Variants in THSD7B observed in about 807,000 individuals in gnomAD.
THSD7B encodes thrombospondin type 1 domain containing 7B, also known as thrombospondin type-1 domain-containing protein 7B.
In THSD7B, 138 loss-of-function variants were observed where a neutral mutation model predicts 213.6. The observed-to-expected ratio is 0.65, with a 90% CI of 0.56 to 0.74. The LOEUF (loss-of-function observed/expected upper bound fraction) is 0.74, where lower values mean the gene tolerates loss of function less well. Among genes scored for constraint, THSD7B ranks in the 30% least tolerant of loss-of-function variants. The probability of loss-of-function intolerance (pLI) is 0.00; values close to 1 mark genes in which losing one functional copy is unlikely to be tolerated. For synonymous variants in THSD7B, 742 were observed against 687.0 expected (o/e 1.08, Z -1.25); for missense variants, 1,931 against 1,991.5 (o/e 0.97, Z 0.58).
chr2:137,572,051 C>A (rs1422574125), intron 16 of THSD7B, among the ~76,000 whole-genome samples: 1 of 151,984 alleles, frequency 6.6e-6, no homozygotes, highest in African/African-American at 2.4e-5. Context: ...GGAGAGCCTT[C>A]AAGATTCATT....
chr2:137,074,905 A>T (rs113518840), intron 3 of THSD7B, among the ~76,000 whole-genome samples: 53 of 152,310 alleles, frequency 3.5e-4, no homozygotes, highest in African/African-American at 1.3e-3. Context: ...AGAATGTTAA[A>T]TATTGGCCCC....
At chr2:137,464,860 C>T (rs1396770902) in intron 15 of THSD7B, among the ~76,000 whole-genome samples, 1 of 151,706 alleles carries the variant, frequency 6.6e-6, no homozygotes, top group Non-Finnish European at 1.5e-5. Flanking sequence ...TTATGATAGC[C>T]CAGTGGTCGA....
chr2:137,209,486 A>G (rs1316887933), intron 7 of THSD7B, among the ~76,000 whole-genome samples: 1 of 152,078 alleles, frequency 6.6e-6, no homozygotes, highest in Non-Finnish European at 1.5e-5. Context: ...AGATCACACA[A>G]TTACATTGTT....
At chr2:137,403,371 GAA>G (rs1686420119) in intron 12 of THSD7B, among the ~76,000 whole-genome samples, 1 of 152,158 alleles carries the variant, frequency 6.6e-6, no homozygotes, top group African/African-American at 2.4e-5. Flanking sequence ...CAGAATATAA[GAA>G]GAATGGGCAT....
intron 14 of THSD7B, among the ~76,000 whole-genome samples, chr2:137,426,760 T>A (rs1348731740): frequency 6.6e-6 from 1 of 152,068 alleles, no homozygotes; most frequent in Admixed American, 6.6e-5. Context: ...ATTTTGGATA[T>A]GACGCCAAAA....
chr2:136,934,595 A>C (rs1173866509), intron 2 of THSD7B, among the ~76,000 whole-genome samples: 1 of 152,208 alleles, frequency 6.6e-6, no homozygotes, highest in Non-Finnish European at 1.5e-5. Context: ...TAGGAAGCTC[A>C]GTATCTTCTG....
chr2:137,282,686 G>C (rs563670289), intron 12 of THSD7B, among the ~76,000 whole-genome samples: 60 of 152,170 alleles, frequency 3.9e-4, no homozygotes, highest in Non-Finnish European at 7.2e-4. Context: ...GCTTGTTTTT[G>C]TCAGGTTTGT....
chr2:137,403,337 G>A (rs1360366257), intron 12 of THSD7B, among the ~76,000 whole-genome samples: 1 of 152,156 alleles, frequency 6.6e-6, no homozygotes, highest in Non-Finnish European at 1.5e-5. Context: ...ATTATCTGAT[G>A]TGCTCAGAAT....
chr2:137,095,045 G>T lies in THSD7B; in HGVS notation c.1123G>T (p.Gly375Cys), dbSNP rs1187665468. ...GAACGTGAAGCACATGGCTATTGGA[G>T]GTGGAAAGGAGTGTCCTGAACTTCT... ...SRNVKHMAIG[G>C]GKECPELLEK... is the part of the protein sequence containing the mutation. The change falls in exon 4 of 28, where the codon GGT (glycine) becomes TGT (cysteine). Residue 375 changes from glycine to cysteine, a missense_variant. By Grantham distance (159) the Gly-to-Cys change is radical (BLOSUM62 -3). Coordinates refer to ENST00000409968, the MANE Select transcript of THSD7B (RefSeq NM_001316349.2). 3.1e-6 allele frequency: 5 copies of T among 1,613,810 alleles called. No homozygotes were observed. The South Asian group carries it at 4.4e-5, about 14-fold the overall frequency.
chr2:137,480,801 A>C (rs536688984), intron 15 of THSD7B, among the ~76,000 whole-genome samples: 1 of 152,382 alleles, frequency 6.6e-6, no homozygotes, highest in Admixed American at 6.5e-5. Context: ...TTTAAAAAAG[A>C]CAACCTTGTA....
intron 17 of THSD7B, among the ~76,000 whole-genome samples, chr2:137,579,563 T>G (rs1352037199): frequency 9.9e-5 from 15 of 152,192 alleles, no homozygotes; most frequent in Non-Finnish European, 2.1e-4. Context: ...CTGTTGATTC[T>G]GTATCTCTGG....
intron 5 of THSD7B, among the ~76,000 whole-genome samples, chr2:137,143,871 A>T (rs552304032): frequency 6.6e-6 from 1 of 151,998 alleles, no homozygotes; most frequent in East Asian, 1.9e-4. Flanking sequence ...TCTTTTTTTA[A>T]CCAATCATCT....
chr2:136,841,124 C>T (rs1682913030), intron 1 of THSD7B, among the ~76,000 whole-genome samples: 1 of 152,090 alleles, frequency 6.6e-6, no homozygotes, highest in Admixed American at 6.5e-5. Flanking sequence ...TTTTACATAC[C>T]AGTAACTGGA....
At chr2:137,609,495 TG>T (rs1363450043) in intron 17 of THSD7B, among the ~76,000 whole-genome samples, 8 of 152,124 alleles carry the variant, frequency 5.3e-5, no homozygotes, top group Non-Finnish European at 1.5e-5. Flanking sequence ...ATCAAGGCCC[TG>T]GGGCAAGGAA....
At chr2:136,790,616 G>A (rs1173250995) in intron 1 of THSD7B, among the ~76,000 whole-genome samples, 1 of 152,054 alleles carries the variant, frequency 6.6e-6, no homozygotes, top group Non-Finnish European at 1.5e-5. Flanking sequence ...AAAGATGAAA[G>A]TTTTTGGAGA....
intron 6 of THSD7B, among the ~76,000 whole-genome samples, chr2:137,169,567 C>G (rs1680202400): frequency 6.6e-6 from 1 of 152,072 alleles, no homozygotes; most frequent in East Asian, 1.9e-4. Flanking sequence ...ATCAAACTCT[C>G]TCATTTTCTT....
At chr2:137,035,114 T>G (rs150863183) in intron 2 of THSD7B, among the ~76,000 whole-genome samples, 1,884 of 152,330 alleles carry the variant, frequency 0.012, 32 homozygotes, top group Middle Eastern at 0.065. Context: ...CTGATGCTAA[T>G]TGGTCTCAGA....
At chr2:136,920,976 G>A (rs1026465304) in intron 2 of THSD7B, among the ~76,000 whole-genome samples, 1 of 152,098 alleles carries the variant, frequency 6.6e-6, no homozygotes, top group African/African-American at 2.4e-5. Flanking sequence ...GCCTGCAGGG[G>A]TTGGGGGCTT....
At chr2:137,226,928 A>G (rs1036997292) in intron 7 of THSD7B, among the ~76,000 whole-genome samples, 4 of 152,220 alleles carry the variant, frequency 2.6e-5, no homozygotes, top group African/African-American at 9.6e-5. Flanking sequence ...GTTCTGAAAC[A>G]TGCTGTAAGG....
Sources: allele counts gnomAD v4.1 joint callset (sites outside exome capture counted in the v4.1 genomes callset), GRCh38; gene constraint gnomAD v4.1.1; transcripts MANE v1.5; gene names NCBI Gene and HGNC (gene_info 2026-07-23, HGNC 2026-07-21).